The following NBEA variants were observed in gnomAD, a reference collection of about 807,000 sequenced individuals.
NBEA encodes lysosomal-trafficking regulator 2.
In NBEA, 44 loss-of-function variants were observed where a neutral mutation model predicts 343.4. That is an observed-to-expected ratio of 0.13 (90% CI 0.10 to 0.16). The LOEUF (loss-of-function observed/expected upper bound fraction) is 0.16, where lower values mean the gene tolerates loss of function less well. Among genes scored for constraint, NBEA ranks in the 10% least tolerant of loss-of-function variants. NBEA has a pLI of 1.00. For missense variants in NBEA, 2,555 were observed against 3,631.3 expected (o/e 0.70, Z 7.62); for synonymous variants, 1,175 against 1,238.7 (o/e 0.95, Z 1.08).
intron 39 of NBEA, among the ~76,000 whole-genome samples, chr13:35,442,303 C>T (rs983020685): frequency 7.9e-5 from 12 of 151,920 alleles, no homozygotes; most frequent in African/African-American, 2.4e-4. Flanking sequence ...TCCAAAAAGA[C>T]GCAAGTTTTC....
intron 34 of NBEA, among the ~76,000 whole-genome samples, chr13:35,282,081 T>G (rs2035092312): frequency 6.8e-6 from 1 of 147,818 alleles, no homozygotes; most frequent in African/African-American, 2.5e-5. Flanking sequence ...CCCGGCTAAT[T>G]TTTTTTTTTT....
intron 11 of NBEA, among the ~76,000 whole-genome samples, chr13:35,102,928 A>T (rs1168296814): frequency 6.6e-6 from 1 of 151,756 alleles, no homozygotes; most frequent in Non-Finnish European, 1.5e-5. Context: ...AAGTTGTGAT[A>T]GTGGCCATCC....
At chr13:35,544,847 C>G (rs2078996003) in intron 41 of NBEA, among the ~76,000 whole-genome samples, 1 of 152,054 alleles carries the variant, frequency 6.6e-6, no homozygotes. Context: ...TATGATGTAT[C>G]AAAAATTATG....
At position 35,452,123 on chromosome 13, in the gene NBEA, A is replaced by C. The variant is rs1205974845; in HGVS notation, c.6336A>C (p.Lys2112Asn). 2 of 1,612,682 alleles carry C rather than the reference A, an allele frequency of 1.2e-6. No individual in the cohort carries two copies. Among genetic ancestry groups the C allele is most frequent in the Non-Finnish European group, 1.7e-6 (2 of 1,179,306 alleles). The change falls in exon 40 of 59, where the codon AAA becomes AAC. Residue 2112 changes from lysine (K) to asparagine (N), a missense_variant. This residue lies in a region of NBEA where 246 missense variants were observed against 313.7 expected (regional missense o/e 0.78). Transcript: ENST00000379939. ...AAGAAGATGTAGTAAAGTCAAAGAA[A>C]ACATTCAGAAGTCAAGCAATAGTGA... is the stretch of plus-strand genomic sequence containing the variant. ...GTEEDVVKSK[K>N]TFRSQAIVNQ...
At chr13:35,378,813 T>G (rs556786406) in intron 38 of NBEA, among the ~76,000 whole-genome samples, 3 of 151,984 alleles carry the variant, frequency 2.0e-5, no homozygotes, top group Non-Finnish European at 4.4e-5. Flanking sequence ...TTCCTCACCC[T>G]GCTAAGGTAA....
intron 1 of NBEA, among the ~76,000 whole-genome samples, chr13:34,964,277 T>C (rs905964346): frequency 6.6e-6 from 1 of 152,022 alleles, no homozygotes; most frequent in African/African-American, 2.4e-5. Context: ...ATTGAAGCTT[T>C]GATTCTTGAA....
chr13:35,210,288 G>T (rs946342079), intron 32 of NBEA, among the ~76,000 whole-genome samples: 5 of 152,078 alleles, frequency 3.3e-5, no homozygotes, highest in East Asian at 1.9e-4. Flanking sequence ...GTGTGTGTGT[G>T]TGTGTGTATG....
At chr13:35,242,681 C>T (rs571477828) in intron 34 of NBEA, among the ~76,000 whole-genome samples, 1 of 151,832 alleles carries the variant, frequency 6.6e-6, no homozygotes, top group Non-Finnish European at 1.5e-5. Context: ...TATAAGTTAT[C>T]ACCAGGTTTC....
intron 18 of NBEA, among the ~76,000 whole-genome samples, chr13:35,150,342 A>G (rs2068699942): frequency 1.3e-5 from 2 of 152,222 alleles, no homozygotes; most frequent in South Asian, 4.1e-4. Context: ...AGTCTTCAAC[A>G]TAAGCTTTAA....
chr13:35,523,624 T>C (rs1353350235), intron 41 of NBEA, among the ~76,000 whole-genome samples: 5 of 152,196 alleles, frequency 3.3e-5, no homozygotes, highest in African/African-American at 4.8e-5. Context: ...CGCCTGCCTC[T>C]CCTGGGGGTT....
intron 48 of NBEA, among the ~76,000 whole-genome samples, chr13:35,608,186 TC>T (rs1005394661): frequency 2.0e-5 from 3 of 152,086 alleles, no homozygotes; most frequent in South Asian, 2.1e-4. Context: ...CAATGTGTTC[TC>T]CCCCCTTTTT....
chr13:35,340,904 A>AAAT (rs113803823), intron 36 of NBEA, among the ~76,000 whole-genome samples: 126,540 of 151,634 alleles, frequency 0.83, 53,008 homozygotes, highest in South Asian at 0.94. Flanking sequence ...GCTGATTCTA[A>AAAT]AATATGGAAT....
At chr13:35,258,287 C>A (rs537918386) in intron 34 of NBEA, among the ~76,000 whole-genome samples, 1 of 151,922 alleles carries the variant, frequency 6.6e-6, no homozygotes, top group Non-Finnish European at 1.5e-5. Context: ...CCTGCCTCAG[C>A]CTCCTGAGTA....
At chr13:35,337,559 A>T (rs962013184) in intron 36 of NBEA, among the ~76,000 whole-genome samples, 9 of 152,088 alleles carry the variant, frequency 5.9e-5, no homozygotes, top group African/African-American at 1.7e-4. Flanking sequence ...TTACTTGGAG[A>T]CTTTAGTATC....
In NBEA at chr13:35,628,266, T is replaced by C. The variant is rs1027023843; in HGVS notation, c.7617+18T>C. 6.6e-7 allele frequency: 1 copy of C among 1,524,406 alleles called. No homozygotes were observed. The allele number at this position is 1,524,406 out of a possible 1,614,324, so 94.4% of individuals were successfully genotyped here. ...TCAGGGAGGTAGGTGTTAAATCCCA[T>C]ATTATTCCAAAAATTTCTGTCATCT... On this transcript the variant is annotated intron_variant, in intron 49 of 58. Transcript: ENST00000379939.
chr13:35,499,908 G>T (rs2076821258), intron 41 of NBEA, among the ~76,000 whole-genome samples: 1 of 152,032 alleles, frequency 6.6e-6, no homozygotes, highest in Non-Finnish European at 1.5e-5. Context: ...CCTGAGCTTT[G>T]TTCCTCATGA....
At chr13:35,405,910 A>C (rs2043244740) in intron 38 of NBEA, among the ~76,000 whole-genome samples, 1 of 152,174 alleles carries the variant, frequency 6.6e-6, no homozygotes, top group African/African-American at 2.4e-5. Flanking sequence ...ATTAAGATTA[A>C]AGTAATTATC....
chr13:35,070,141 C>T (rs1003084513), intron 9 of NBEA, 36 bp downstream of exon 9: 11 of 1,415,254 alleles, frequency 7.8e-6, no homozygotes, highest in African/African-American at 5.8e-5. Flanking sequence ...ATGTTCTTGT[C>T]AGAATTTGAC....
rs1185055939 is a variant in NBEA, at chr13:35,213,315, TTGTC to T, written c.5648+2142_5648+2145del. ...CAGCAAGCAGCTCTGCCTCATCTCT[TTGTC>T]TGTCTTTAAGTCATACCATCTTAAT... On this transcript the variant is annotated intron_variant, in intron 33 of 58. Transcript: ENST00000379939. 2.6e-5 allele frequency among the ~76,000 whole-genome samples: 4 copies of T among 152,208 alleles called. No homozygotes were observed. In the South Asian group the frequency reaches 6.2e-4, roughly 24 times the overall value.
Sources: allele counts gnomAD v4.1 joint callset (sites outside exome capture counted in the v4.1 genomes callset), GRCh38; gene constraint gnomAD v4.1.1; regional missense constraint gnomAD v4.1.1; transcripts MANE v1.5; gene names NCBI Gene and HGNC (gene_info 2026-07-23, HGNC 2026-07-21).